Variants in ERBB4 observed in about 807,000 individuals in gnomAD.
The protein encoded by ERBB4 is erb-b2 receptor tyrosine kinase 4.
A neutral mutation model predicts 158.0 loss-of-function variants in ERBB4; 42 were observed. That is an observed-to-expected ratio of 0.27 (90% CI 0.21 to 0.34). The LOEUF is 0.34. ERBB4 is among the 10% of genes least tolerant of loss of function. ERBB4 has a pLI of 1.00. For missense variants in ERBB4, 1,333 were observed against 1,624.1 expected (o/e 0.82, Z 3.08); for synonymous variants, 583 against 558.7 (o/e 1.04, Z -0.61).
At chr2:212,400,650 G>C (rs2091176295) in intron 1 of ERBB4, among the ~76,000 whole-genome samples, 1 of 152,004 alleles carries the variant, frequency 6.6e-6, no homozygotes, top group South Asian at 2.1e-4. Context: ...ACAAAACTAT[G>C]GGATTTGGTC....
At chr2:211,563,723 A>G (rs889554525) in intron 19 of ERBB4, among the ~76,000 whole-genome samples, 5 of 152,166 alleles carry the variant, frequency 3.3e-5, no homozygotes, top group African/African-American at 1.2e-4. Flanking sequence ...TAGATGAACT[A>G]TCTTGTGTCT....
intron 1 of ERBB4, among the ~76,000 whole-genome samples, chr2:212,372,935 C>T (rs994815500): frequency 2.6e-5 from 4 of 152,046 alleles, no homozygotes; most frequent in Non-Finnish European, 4.4e-5. Context: ...TAAAACTATA[C>T]ATAACAGGGA....
intron 1 of ERBB4, among the ~76,000 whole-genome samples, chr2:212,421,095 A>G (rs1430432268): frequency 6.6e-6 from 1 of 152,148 alleles, no homozygotes; most frequent in Non-Finnish European, 1.5e-5. Flanking sequence ...AATTTTTTAA[A>G]GCCTAAACAT....
chr2:211,531,801 C>T (rs1295441954), intron 20 of ERBB4, among the ~76,000 whole-genome samples: 1 of 152,040 alleles, frequency 6.6e-6, no homozygotes, highest in African/African-American at 2.4e-5. Flanking sequence ...AGTCATCCCA[C>T]TCCTAGATAT....
chr2:212,152,206 G>A (rs80014883), intron 1 of ERBB4, among the ~76,000 whole-genome samples: 8 of 151,896 alleles, frequency 5.3e-5, no homozygotes, highest in South Asian at 2.1e-4. Context: ...TGGTCAAATC[G>A]GTCTCCATCA....
chr2:211,786,303 A>G (rs2076163216), intron 4 of ERBB4, among the ~76,000 whole-genome samples: 1 of 152,224 alleles, frequency 6.6e-6, no homozygotes, highest in South Asian at 2.1e-4. Flanking sequence ...AGATAAAACC[A>G]TAATAGTCAA....
chr2:211,424,796 A>G (rs949907443), intron 22 of ERBB4, among the ~76,000 whole-genome samples: 4 of 151,888 alleles, frequency 2.6e-5, no homozygotes, highest in Non-Finnish European at 5.9e-5. Flanking sequence ...GACTCTCTCT[A>G]ACTTACACAA....
chr2:212,335,925 T>A lies in ERBB4; in HGVS notation c.82+202524A>T, dbSNP rs74792298. Reference sequence around the variant, plus strand: ...CAAATTGAGCAAAATTAAAAAGGTATCCCTAATTCAAGTCTACTCACAGTC... The same window carrying A: ...CAAATTGAGCAAAATTAAAAAGGTAACCCTAATTCAAGTCTACTCACAGTC... On this transcript the variant is annotated intron_variant, in intron 1 of 27. Coordinates refer to ENST00000342788, the MANE Select transcript of ERBB4 (RefSeq NM_005235.3). Among the ~76,000 whole-genome samples, 468 of 152,098 alleles carry A rather than the reference T, an allele frequency of 3.1e-3. 1 individual carries two copies. Among genetic ancestry groups the A allele is most frequent in the African/African-American group, 0.011 (456 of 41,534 alleles).
At chr2:211,672,081 C>T (rs189574890) in intron 14 of ERBB4, among the ~76,000 whole-genome samples, 1 of 152,294 alleles carries the variant, frequency 6.6e-6, no homozygotes, top group East Asian at 1.9e-4. Context: ...TTTTCCACAT[C>T]TTTCTTTAGA....
At chr2:211,439,659 T>C (rs1022063589) in intron 20 of ERBB4, among the ~76,000 whole-genome samples, 1 of 152,206 alleles carries the variant, frequency 6.6e-6, no homozygotes, top group African/African-American at 2.4e-5. Context: ...TACCTCTCTG[T>C]ACATCAATTT....
At chr2:212,204,519 G>A (rs1409801792) in intron 1 of ERBB4, among the ~76,000 whole-genome samples, 7 of 151,844 alleles carry the variant, frequency 4.6e-5, no homozygotes, top group African/African-American at 1.7e-4. Flanking sequence ...GCAACATGGT[G>A]GAACCCCATC....
intron 2 of ERBB4, among the ~76,000 whole-genome samples, chr2:212,087,737 A>G (rs1196117181): frequency 6.6e-5 from 10 of 152,106 alleles, no homozygotes; most frequent in Admixed American, 5.9e-4. Context: ...TGCACTAGAT[A>G]CTTCTAAGAG....
chr2:211,506,876 G>C (rs2065765046), intron 20 of ERBB4, among the ~76,000 whole-genome samples: 1 of 151,838 alleles, frequency 6.6e-6, no homozygotes, highest in Non-Finnish European at 1.5e-5. Flanking sequence ...AATTAGAGCA[G>C]AACTAAATGA....
At chr2:211,426,535 T>C (rs1400784581) in intron 22 of ERBB4, among the ~76,000 whole-genome samples, 2 of 152,168 alleles carry the variant, frequency 1.3e-5, no homozygotes, top group Non-Finnish European at 2.9e-5. Context: ...TTATTTTTGC[T>C]GAACAGTTCC....
At chr2:211,772,663 T>A (rs1488478072) in intron 4 of ERBB4, among the ~76,000 whole-genome samples, 1 of 149,870 alleles carries the variant, frequency 6.7e-6, no homozygotes, top group African/African-American at 2.5e-5. Context: ...CTTCTTTTTT[T>A]GAGATGAGGT....
intron 1 of ERBB4, among the ~76,000 whole-genome samples, chr2:212,466,974 T>C (rs1688869201): frequency 6.8e-6 from 1 of 146,820 alleles, no homozygotes; most frequent in African/African-American, 2.4e-5. Context: ...AGGTGACTCT[T>C]GTTATGTTTT....
At chr2:211,468,790 A>G (rs1307715815) in intron 20 of ERBB4, among the ~76,000 whole-genome samples, 1 of 152,092 alleles carries the variant, frequency 6.6e-6, no homozygotes, top group Non-Finnish European at 1.5e-5. Context: ...TTTCATCATT[A>G]GCCTCAGGAA....
At chr2:211,621,380 T>C (rs886284116) in intron 18 of ERBB4, among the ~76,000 whole-genome samples, 2 of 152,124 alleles carry the variant, frequency 1.3e-5, no homozygotes, top group Admixed American at 6.6e-5. Flanking sequence ...TTTGCACTTC[T>C]ATGGTCAAGA....
At chr2:211,853,350 G>T (rs1216388262) in intron 3 of ERBB4, among the ~76,000 whole-genome samples, 2 of 151,872 alleles carry the variant, frequency 1.3e-5, no homozygotes, top group African/African-American at 4.8e-5. Context: ...TGCATTTTAG[G>T]TCAAAACGTT....
Sources: allele counts gnomAD v4.1 joint callset (sites outside exome capture counted in the v4.1 genomes callset), GRCh38; gene constraint gnomAD v4.1.1; transcripts MANE v1.5; gene names NCBI Gene and HGNC (gene_info 2026-07-23, HGNC 2026-07-21).